Variants in RHOJ observed in about 807,000 individuals in gnomAD.
The protein encoded by RHOJ is rho-related GTP-binding protein RhoJ.
Under a neutral mutation model 23.4 loss-of-function variants are expected in RHOJ, and 11 were observed. That is an observed-to-expected ratio of 0.47 (90% CI 0.30 to 0.78). RHOJ has a LOEUF of 0.78. Among genes scored for constraint, RHOJ ranks in the 30% least tolerant of loss-of-function variants. The pLI, the probability that RHOJ is intolerant of heterozygous loss-of-function variation, is 0.08. For missense variants in RHOJ, 254 were observed against 273.4 expected (o/e 0.93, Z 0.50); for synonymous variants, 102 against 102.7 (o/e 0.99, Z 0.04).
At chr14:63,224,278 A>C (rs1894549699) in intron 1 of RHOJ, among the ~76,000 whole-genome samples, 1 of 152,218 alleles carries the variant, frequency 6.6e-6, no homozygotes, top group South Asian at 2.1e-4. Flanking sequence ...GAATGTAGTT[A>C]ATCTTTATTT....
chr14:63,218,965 G>C (rs1438904798), intron 1 of RHOJ, among the ~76,000 whole-genome samples: 1 of 152,220 alleles, frequency 6.6e-6, no homozygotes, highest in Admixed American at 6.5e-5. Flanking sequence ...AGGAGAGGAA[G>C]AGTAGAAGAG....
chr14:63,230,815 G>C (rs573374806), intron 1 of RHOJ, among the ~76,000 whole-genome samples: 31 of 145,402 alleles, frequency 2.1e-4, no homozygotes, highest in African/African-American at 7.3e-4. Context: ...TTGAGTGAGT[G>C]AATGGAAGTT....
At chr14:63,233,894 G>A (rs903187443) in intron 1 of RHOJ, among the ~76,000 whole-genome samples, 1 of 152,196 alleles carries the variant, frequency 6.6e-6, no homozygotes, top group Non-Finnish European at 1.5e-5. Context: ...ACCGTTCCCA[G>A]AATAGAGTTA....
At chr14:63,228,595 G>GA (rs1170830569) in intron 1 of RHOJ, among the ~76,000 whole-genome samples, 3 of 149,920 alleles carry the variant, frequency 2.0e-5, no homozygotes, top group Non-Finnish European at 4.4e-5. Context: ...TCAAACTACA[G>GA]AAAAATGTGT....
chr14:63,228,452 G>C (rs1894634147), intron 1 of RHOJ, among the ~76,000 whole-genome samples: 1 of 152,110 alleles, frequency 6.6e-6, no homozygotes, highest in South Asian at 2.1e-4. Context: ...AACTATCTAA[G>C]AACAGGGGAC....
chr14:63,234,517 T>C (rs1894752879), intron 1 of RHOJ, among the ~76,000 whole-genome samples: 1 of 152,202 alleles, frequency 6.6e-6, no homozygotes. Flanking sequence ...CGCTTCAGTA[T>C]AAAAGACCTG....
At chr14:63,283,955 G>A (rs1023084599) in intron 4 of RHOJ, among the ~76,000 whole-genome samples, 11 of 152,126 alleles carry the variant, frequency 7.2e-5, no homozygotes, top group African/African-American at 1.7e-4. Context: ...GAGGGTGGAC[G>A]TGCTTTATGC....
chr14:63,253,219 C>T (rs911960296), intron 1 of RHOJ, among the ~76,000 whole-genome samples: 2 of 152,156 alleles, frequency 1.3e-5, no homozygotes, highest in African/African-American at 4.8e-5. Flanking sequence ...CTCCTAGTTC[C>T]TCCATCTGCT....
intron 2 of RHOJ, among the ~76,000 whole-genome samples, chr14:63,273,113 C>A (rs1178291708): frequency 6.6e-6 from 1 of 152,192 alleles, no homozygotes; most frequent in Non-Finnish European, 1.5e-5. Context: ...TTCCCCAAAC[C>A]CTGAAACAAA....
chr14:63,249,363 C>T (rs1038624000), intron 1 of RHOJ, among the ~76,000 whole-genome samples: 5 of 152,156 alleles, frequency 3.3e-5, no homozygotes, highest in Admixed American at 1.3e-4. Context: ...AAACTACCAC[C>T]GAGCAGCCAG....
chr14:63,276,752 T>C (rs934210982), intron 2 of RHOJ, among the ~76,000 whole-genome samples: 2 of 152,186 alleles, frequency 1.3e-5, no homozygotes, highest in African/African-American at 2.4e-5. Flanking sequence ...CAGCAACCCA[T>C]GGTCTTCCAA....
chr14:63,236,748 A>AACACACACACACAC (rs59297455), intron 1 of RHOJ, among the ~76,000 whole-genome samples: 1,903 of 138,408 alleles, frequency 0.014, 27 homozygotes, highest in African/African-American at 0.022. Context: ...AGAGGCTTGA[A>AACACACACACACAC]ACACACACAC....
rs987541206 is a variant in RHOJ at position 63,260,554 on chromosome 14, A to T, written c.179-8556A>T. Reference sequence around the variant, plus strand: ...TGAGCATCCAAATACTAGTTTTTCTAACTGTTTTACATGTTCATGATAGCA... The same window carrying T: ...TGAGCATCCAAATACTAGTTTTTCTTACTGTTTTACATGTTCATGATAGCA... On this transcript the variant is annotated intron_variant, in intron 1 of 4. Transcript: ENST00000316754. Among the ~76,000 whole-genome samples, 7 of 152,226 alleles carry T rather than the reference A, an allele frequency of 4.6e-5. 1 individual carries two copies. The highest frequency in any genetic ancestry group is 1.3e-4 in the Admixed American group (2 of 15,284).
rs1882243922 is a variant in RHOJ at position 63,291,331 on chromosome 14, G to T, written c.*307G>T. The T allele has an allele frequency of 5.2e-6, 2 of 381,594 alleles. No individual in the cohort carries two copies. Among genetic ancestry groups the T allele is most frequent in the Non-Finnish European group, 9.9e-6 (2 of 202,190 alleles). 23.6% of individuals were successfully genotyped at this position (381,594 alleles called of 1,614,324 possible). A position where few individuals can be genotyped will look rare whatever the true frequency, so the allele number is the denominator to read the frequency against. On this transcript the variant is annotated 3_prime_UTR_variant, in exon 5 of 5. Transcript: ENST00000316754. Reference sequence around the variant, plus strand: ...CCATCTCACATTTTACAAATCCCCAGCTCATGAACGTGAAGCTGATAGGAA... The same window carrying T: ...CCATCTCACATTTTACAAATCCCCATCTCATGAACGTGAAGCTGATAGGAA...
At chr14:63,287,645 T>C (rs10149326) in intron 4 of RHOJ, among the ~76,000 whole-genome samples, 9,440 of 151,856 alleles carry the variant, frequency 0.062, 342 homozygotes, top group African/African-American at 0.076. Context: ...TGTACATCGC[T>C]GATAAATGTC....
intron 1 of RHOJ, among the ~76,000 whole-genome samples, chr14:63,267,160 G>A (rs192239240): frequency 2.5e-4 from 38 of 152,314 alleles, no homozygotes; most frequent in African/African-American, 7.9e-4. Flanking sequence ...AGAAAGCTTC[G>A]TCCAGACCCT....
At chr14:63,210,655 T>C (rs1894215713) in intron 1 of RHOJ, among the ~76,000 whole-genome samples, 1 of 152,224 alleles carries the variant, frequency 6.6e-6, no homozygotes. Flanking sequence ...ATCTTTAGTT[T>C]TGAGTTTTGT....
chr14:63,256,079 G>C (rs1206203896), intron 1 of RHOJ, among the ~76,000 whole-genome samples: 1 of 152,046 alleles, frequency 6.6e-6, no homozygotes, highest in African/African-American at 2.4e-5. Flanking sequence ...GTAGAGACAA[G>C]GTCTTGCTAG....
rs868675268 is a variant in RHOJ at position 63,290,081 on chromosome 14, A to G, written c.499-797A>G. 7.2e-5 allele frequency among the ~76,000 whole-genome samples: 11 copies of G among 152,132 alleles called. No individual in the cohort carries two copies. The South Asian group carries it at 2.3e-3, about 32-fold the overall frequency. On this transcript the variant is annotated intron_variant, in intron 4 of 4. Coordinates refer to ENST00000316754, the MANE Select transcript of RHOJ (RefSeq NM_020663.5). ...AACATGGGAAAACCCCGTCTCTACT[A>G]AAAATACAAAAACTAACCCGGCTTG...
Sources: allele counts gnomAD v4.1 joint callset (sites outside exome capture counted in the v4.1 genomes callset), GRCh38; gene constraint gnomAD v4.1.1; transcripts MANE v1.5; gene names NCBI Gene and HGNC (gene_info 2026-07-23, HGNC 2026-07-21).